Variants in HELLS observed in about 807,000 individuals in gnomAD.
HELLS encodes lymphoid-specific helicase.
A neutral mutation model predicts 120.0 loss-of-function variants in HELLS; 32 were observed. That is an observed-to-expected ratio of 0.27 (90% CI 0.20 to 0.36). The LOEUF (loss-of-function observed/expected upper bound fraction) is 0.36, where lower values mean the gene tolerates loss of function less well. Among genes scored for constraint, HELLS ranks in the 10% least tolerant of loss-of-function variants. The pLI is 1.00. For missense variants in HELLS, 650 were observed against 993.4 expected, an observed-to-expected ratio of 0.65 and a Z score of 4.65; for synonymous variants, 341 against 323.4, an observed-to-expected ratio of 1.05 and a Z score of -0.58.
At chr10:94,610,913 A>G (rs1846187053) in exon 10 of HELLS, 2 of 152,224 alleles carry the variant, frequency 1.3e-5, no homozygotes, top group South Asian at 4.1e-4. Context: ...TTTAATAGTA[A>G]GATAAAAAGT....
chr10:94,545,851 T>G lies in HELLS; in HGVS notation c.-71T>G. 6.7e-7 allele frequency: 1 copy of G among 1,491,728 alleles called. No individual in the cohort carries two copies. Among genetic ancestry groups the G allele is most frequent in the Non-Finnish European group, 9.2e-7 (1 of 1,092,232 alleles). 92.4% of individuals were successfully genotyped at this position (1,491,728 alleles called of 1,614,324 possible). Reference sequence around the variant, plus strand: ...GCTAGAAGGCTGGGCCGGCAGCGGTTGTGAGGAGTTAGCTCGCGGCATTGC... The same window carrying G: ...GCTAGAAGGCTGGGCCGGCAGCGGTGGTGAGGAGTTAGCTCGCGGCATTGC... On this transcript the variant is annotated 5_prime_UTR_variant, in exon 1 of 22. Transcript: ENST00000348459.
At chr10:94,612,742 A>G (rs951547343) in exon 10 of HELLS, 5 of 152,078 alleles carry the variant, frequency 3.3e-5, no homozygotes, top group Non-Finnish European at 7.4e-5. Flanking sequence ...TCTGGTCAAC[A>G]TGGTGAAACC....
At chr10:94,609,578 C>T (rs1846168232) in intron 9 of HELLS, among the ~76,000 whole-genome samples, 1 of 152,140 alleles carries the variant, frequency 6.6e-6, no homozygotes, top group African/African-American at 2.4e-5. Flanking sequence ...TATATCTTGC[C>T]TCTCTTAAGT....
chr10:94,557,505 A>G (rs1350142280), intron 3 of HELLS, among the ~76,000 whole-genome samples: 1 of 152,054 alleles, frequency 6.6e-6, no homozygotes, highest in African/African-American at 2.4e-5. Context: ...TTTTCTGAGC[A>G]CTCTACTTGA....
chr10:94,587,207 T>G (rs1380365704), intron 12 of HELLS, among the ~76,000 whole-genome samples: 2 of 152,148 alleles, frequency 1.3e-5, no homozygotes, highest in South Asian at 2.1e-4. Flanking sequence ...GTCAGCTGGC[T>G]TTTTACTGAG....
rs115949951 is a variant in HELLS at position 94,590,189 on chromosome 10, A to G, written c.1489-224A>G. The stretch of plus-strand genomic sequence containing the variant: ...TATTAAATCCTTTTGTGTAAGTTCA[A>G]AGTAGTTTTATACACCCTTCATTTT... On this transcript the variant is annotated intron_variant, in intron 13 of 21. Coordinates refer to ENST00000348459, the MANE Select transcript of HELLS (RefSeq NM_018063.5). 8.6e-3 allele frequency among the ~76,000 whole-genome samples: 1,305 copies of G among 152,284 alleles called. 18 individuals are homozygous for G. Among genetic ancestry groups the G allele is most frequent in the African/African-American group, 0.03 (1,249 of 41,548 alleles).
In HELLS at chr10:94,580,154, TATATATATAC is replaced by T. The variant is rs1305833865; in HGVS notation, c.1033-1170_1033-1161del. Among the ~76,000 whole-genome samples, 189 of 48,080 alleles carry T rather than the reference TATATATATAC, an allele frequency of 3.9e-3. 2 individuals carry two copies. Among genetic ancestry groups the T allele is most frequent in the African/African-American group, 0.019 (152 of 7,896 alleles). 31.5% of individuals were successfully genotyped at this position (48,080 alleles called of 152,430 possible). ...ATATATATATATATATATATATATA[TATATATATAC>T]ACACACACACACACACACACATTTT... On this transcript the variant is annotated intron_variant, in intron 10 of 21. Coordinates refer to ENST00000348459, the MANE Select transcript of HELLS (RefSeq NM_018063.5).
chr10:94,548,662 A>G (rs1238709526), intron 2 of HELLS, among the ~76,000 whole-genome samples: 1 of 152,168 alleles, frequency 6.6e-6, no homozygotes, highest in Non-Finnish European at 1.5e-5. Flanking sequence ...CATAGAACCT[A>G]AAGAGTAATT....
chr10:94,590,990 A>G (rs1845461795), intron 15 of HELLS, among the ~76,000 whole-genome samples: 1 of 152,108 alleles, frequency 6.6e-6, no homozygotes, highest in Non-Finnish European at 1.5e-5. Flanking sequence ...ATGAGCAACT[A>G]GTTTTTTAAA....
At chr10:94,581,598 C>A (rs1360171071) in intron 11 of HELLS, 76 bp downstream of exon 11, 1 of 1,083,480 alleles carries the variant, frequency 9.2e-7, no homozygotes, top group Non-Finnish European at 1.3e-6. Context: ...TTTTCAGTGA[C>A]TGAATTAAAA....
At chr10:94,590,862 A>T in intron 15 of HELLS, 86 bp downstream of exon 15, 1 of 721,070 alleles carries the variant, frequency 1.4e-6, no homozygotes, top group Non-Finnish European at 2.1e-6. Context: ...GATTATAATT[A>T]TTAAAAATAA....
At chr10:94,581,770 T>C (rs960510383) in intron 11 of HELLS, among the ~76,000 whole-genome samples, 9 of 152,212 alleles carry the variant, frequency 5.9e-5, no homozygotes, top group African/African-American at 2.2e-4. Flanking sequence ...ATAATAAGGT[T>C]CTTTTATGTG....
intron 12 of HELLS, among the ~76,000 whole-genome samples, chr10:94,584,899 G>T (rs1402117844): frequency 6.6e-6 from 1 of 151,978 alleles, no homozygotes; most frequent in Non-Finnish European, 1.5e-5. Context: ...GTAATACTGT[G>T]CTTAAATTTG....
At chr10:94,596,362 C>G (rs1238052939) in intron 19 of HELLS, among the ~76,000 whole-genome samples, 4 of 152,114 alleles carry the variant, frequency 2.6e-5, no homozygotes, top group African/African-American at 9.7e-5. Context: ...TCCTATGCTC[C>G]CCTTACCATC....
At chr10:94,579,683 A>C (rs575929378) in intron 10 of HELLS, among the ~76,000 whole-genome samples, 1 of 152,008 alleles carries the variant, frequency 6.6e-6, no homozygotes, top group Non-Finnish European at 1.5e-5. Context: ...CCGGGACTAC[A>C]GGCGTCCGTC....
chr10:94,591,710 T>A (rs2134110990), intron 15 of HELLS, among the ~76,000 whole-genome samples: 1 of 152,326 alleles, frequency 6.6e-6, no homozygotes, highest in Middle Eastern at 3.4e-3. Context: ...GGCACTGCTT[T>A]ACATCTTTAT....
intron 2 of HELLS, among the ~76,000 whole-genome samples, chr10:94,553,071 A>G (rs1430748329): frequency 6.6e-6 from 1 of 152,152 alleles, no homozygotes; most frequent in Admixed American, 6.5e-5. Flanking sequence ...CAACTTGTTT[A>G]TTAATCTCAA....
intron 12 of HELLS, 126 bp downstream of exon 12, chr10:94,583,185 G>A (rs1844959456): frequency 2.1e-6 from 1 of 472,820 alleles, no homozygotes; most frequent in African/African-American, 2.0e-5. Context: ...ACATTTAAAT[G>A]ACTCCTTTGT....
At chr10:94,589,531 T>A (rs899676607) in intron 13 of HELLS, among the ~76,000 whole-genome samples, 2 of 151,768 alleles carry the variant, frequency 1.3e-5, no homozygotes, top group Non-Finnish European at 2.9e-5. Context: ...AGGTGGGATG[T>A]TATTATCATG....
Sources: allele counts gnomAD v4.1 joint callset (sites outside exome capture counted in the v4.1 genomes callset), GRCh38; gene constraint gnomAD v4.1.1; transcripts MANE v1.5; gene names NCBI Gene and HGNC (gene_info 2026-07-23, HGNC 2026-07-21).